FAM227B: variants seen among roughly 807,000 people sequenced by gnomAD.
FAM227B encodes the protein protein FAM227B.
In FAM227B, 88 loss-of-function variants were observed where a neutral mutation model predicts 73.8. That is an observed-to-expected ratio of 1.19 (90% CI 1.00 to 1.42). The LOEUF (loss-of-function observed/expected upper bound fraction) is 1.42. Among genes scored for constraint, FAM227B ranks in the 40% most tolerant of loss-of-function variants. The probability of loss-of-function intolerance (pLI) is 0.00; values close to 1 mark genes in which losing one functional copy is unlikely to be tolerated. For synonymous variants in FAM227B, 210 were observed against 190.5 expected (o/e 1.10, Z -0.84); for missense variants, 632 against 590.9 (o/e 1.07, Z -0.72).
intron 11 of FAM227B, among the ~76,000 whole-genome samples, chr15:49,385,286 C>T (rs1338751803): frequency 2.0e-5 from 3 of 151,850 alleles, no homozygotes; most frequent in Non-Finnish European, 2.9e-5. Context: ...TGGAGTCAGA[C>T]GGACACAAAT....
chr15:49,335,308 A>T (rs2039515477), intron 14 of FAM227B, 111 bp downstream of exon 14: 1 of 672,872 alleles, frequency 1.5e-6, no homozygotes, highest in Middle Eastern at 4.1e-4. Context: ...TAAGATGCTC[A>T]GACATGACTC....
At chr15:49,396,783 G>A (rs1339448459) in intron 11 of FAM227B, among the ~76,000 whole-genome samples, 1 of 149,308 alleles carries the variant, frequency 6.7e-6, no homozygotes, top group Non-Finnish European at 1.5e-5. Flanking sequence ...TGCGGCTGAG[G>A]GTCCTGTCTG....
chr15:49,397,103 A>C (rs866353012), intron 11 of FAM227B, among the ~76,000 whole-genome samples: 1 of 152,170 alleles, frequency 6.6e-6, no homozygotes. Flanking sequence ...CCTTGAAAAA[A>C]ATTTAGAAGA....
chr15:49,341,990 T>C (rs904836659), intron 13 of FAM227B, among the ~76,000 whole-genome samples: 2 of 152,180 alleles, frequency 1.3e-5, no homozygotes, highest in Non-Finnish European at 1.5e-5. Context: ...GTGCAGATGA[T>C]AGCAATGTAT....
chr15:49,604,742 CTA>C (rs934267688), intron 3 of FAM227B, among the ~76,000 whole-genome samples: 2 of 151,484 alleles, frequency 1.3e-5, no homozygotes, highest in Non-Finnish European at 2.9e-5. Flanking sequence ...ATTTTTCATT[CTA>C]TGTTTTTGTT....
intron 11 of FAM227B, among the ~76,000 whole-genome samples, chr15:49,448,314 C>T (rs1295656614): frequency 6.6e-6 from 1 of 151,320 alleles, no homozygotes; most frequent in Admixed American, 6.6e-5. Flanking sequence ...CTTTTCTTTT[C>T]CTTATTCTTT....
intron 12 of FAM227B, among the ~76,000 whole-genome samples, chr15:49,370,575 G>A (rs73396289): frequency 0.016 from 2,408 of 152,188 alleles, 62 homozygotes; most frequent in African/African-American, 0.056. Flanking sequence ...ATTAAATACC[G>A]GGAAAAACAT....
chr15:49,334,752 A>G (rs1248172601), intron 14 of FAM227B, among the ~76,000 whole-genome samples: 1 of 152,160 alleles, frequency 6.6e-6, no homozygotes, highest in Non-Finnish European at 1.5e-5. Flanking sequence ...CTCCTTGGAC[A>G]GCAGGAGGCA....
intron 11 of FAM227B, among the ~76,000 whole-genome samples, chr15:49,429,485 A>G (rs1322971294): frequency 6.6e-6 from 1 of 151,882 alleles, no homozygotes; most frequent in Non-Finnish European, 1.5e-5. Flanking sequence ...CCTCATCTAG[A>G]CTGACCCTTA....
At position 49,328,141 on chromosome 15, in the gene FAM227B, G is replaced by C. The variant is rs952021263; in HGVS notation, c.*427C>G. The C allele has an allele frequency of 2.5e-6, 4 of 1,613,846 alleles. No individual in the cohort carries two copies. Among genetic ancestry groups the C allele is most frequent in the Non-Finnish European group, 3.4e-6 (4 of 1,179,888 alleles). ...CTACCAAACCTGGAGGTGGGGCTTT[G>C]GTTTTGCTTGAGGCCTGAAAAAATG... On this transcript the variant is annotated 3_prime_UTR_variant, in exon 16 of 16. Coordinates refer to ENST00000299338, the MANE Select transcript of FAM227B (RefSeq NM_152647.3).
intron 9 of FAM227B, among the ~76,000 whole-genome samples, chr15:49,549,409 G>A (rs892623893): frequency 1.3e-5 from 2 of 151,820 alleles, no homozygotes; most frequent in Non-Finnish European, 2.9e-5. Flanking sequence ...ACAGTGGAGG[G>A]AAGGTCAGCA....
intron 11 of FAM227B, among the ~76,000 whole-genome samples, chr15:49,380,752 A>C (rs1051006757): frequency 1.3e-5 from 2 of 151,940 alleles, no homozygotes; most frequent in Non-Finnish European, 2.9e-5. Flanking sequence ...ACTCAAGCTA[A>C]ACACTTGAGC....
chr15:49,410,342 C>A (rs776234035), intron 11 of FAM227B, among the ~76,000 whole-genome samples: 3 of 152,158 alleles, frequency 2.0e-5, no homozygotes, highest in Non-Finnish European at 4.4e-5. Flanking sequence ...TTGTTTCATG[C>A]TGCCTCTGAA....
At chr15:49,518,480 C>A (rs2174815) in intron 10 of FAM227B, among the ~76,000 whole-genome samples, 140,072 of 152,084 alleles carry the variant, frequency 0.92, 65,602 homozygotes, top group East Asian at 1. Context: ...GGTAATTTAT[C>A]AAGAAAAAAG....
At chr15:49,429,695 C>T (rs1380116846) in intron 11 of FAM227B, among the ~76,000 whole-genome samples, 1 of 151,856 alleles carries the variant, frequency 6.6e-6, no homozygotes, top group East Asian at 1.9e-4. Flanking sequence ...TTTCCACCCA[C>T]AAAAAATTTT....
intron 10 of FAM227B, among the ~76,000 whole-genome samples, chr15:49,518,034 T>C (rs2059502229): frequency 6.6e-6 from 1 of 152,340 alleles, no homozygotes; most frequent in East Asian, 1.9e-4. Context: ...AAACTTCATA[T>C]TACTGATGGG....
At chr15:49,490,709 A>C (rs2057013524) in intron 11 of FAM227B, among the ~76,000 whole-genome samples, 1 of 151,976 alleles carries the variant, frequency 6.6e-6, no homozygotes, top group Non-Finnish European at 1.5e-5. Context: ...TGACGAATGT[A>C]CCTTTTTATG....
intron 13 of FAM227B, chr15:49,366,401 C>T (rs1478951595): frequency 9.9e-6 from 8 of 810,930 alleles, no homozygotes; most frequent in Non-Finnish European, 1.8e-5. Context: ...AAGAAAATGG[C>T]AGCTGCCCCA....
chr15:49,502,906 C>T (rs1285591882), intron 11 of FAM227B, among the ~76,000 whole-genome samples: 3 of 152,124 alleles, frequency 2.0e-5, no homozygotes, highest in Non-Finnish European at 4.4e-5. Context: ...TAAGTAAGCT[C>T]TCACTCTGAG....
Sources: gnomAD v4.1 joint callset for allele counts (sites outside exome capture counted in the v4.1 genomes callset) on GRCh38, gnomAD v4.1.1 for gene constraint, MANE v1.5 for transcripts, NCBI Gene and HGNC (gene_info 2026-07-23, HGNC 2026-07-21) for gene names.